Variants in RUNDC3B observed in about 807,000 individuals in gnomAD.
The protein encoded by RUNDC3B is RUN domain containing 3B, also known as RUN domain-containing protein 3B.
A neutral mutation model predicts 58.4 loss-of-function variants in RUNDC3B; 33 were observed. The ratio of observed to expected loss-of-function variants is 0.56; its 90% confidence interval spans 0.43 to 0.75. RUNDC3B has a LOEUF of 0.75. RUNDC3B is among the 30% of genes least tolerant of loss of function. The probability of loss-of-function intolerance (pLI) is 0.00; values close to 1 mark genes in which losing one functional copy is unlikely to be tolerated. For synonymous variants in RUNDC3B, 193 were observed against 195.2 expected, an observed-to-expected ratio of 0.99 and a Z score of 0.10; for missense variants, 501 against 535.7, an observed-to-expected ratio of 0.94 and a Z score of 0.64.
At chr7:87,710,521 A>C in intron 3 of RUNDC3B, 49 bp from the exon 4 acceptor site, 1 of 1,164,632 alleles carries the variant, frequency 8.6e-7, no homozygotes. Context: ...ACAGTGGCAA[A>C]ATATTTTTTT....
At chr7:87,754,517 C>T (rs892538843) in intron 6 of RUNDC3B, among the ~76,000 whole-genome samples, 7 of 152,092 alleles carry the variant, frequency 4.6e-5, no homozygotes. Context: ...AACCTAATAT[C>T]ACAATGGAAA....
At chr7:87,680,382 G>T (rs948835741) in intron 2 of RUNDC3B, among the ~76,000 whole-genome samples, 3 of 150,702 alleles carry the variant, frequency 2.0e-5, no homozygotes, top group Non-Finnish European at 4.4e-5. Flanking sequence ...ACTAAAACGC[G>T]TTGTATCAAA....
At chr7:87,646,189 G>T (rs552550237) in intron 1 of RUNDC3B, among the ~76,000 whole-genome samples, 1 of 152,166 alleles carries the variant, frequency 6.6e-6, no homozygotes, top group Non-Finnish European at 1.5e-5. Flanking sequence ...TAACCTATGA[G>T]TAATGTAGAA....
At chr7:87,741,606 T>G (rs778683755) in intron 6 of RUNDC3B, 27 bp downstream of exon 6, 11 of 1,294,966 alleles carry the variant, frequency 8.5e-6, no homozygotes, top group Non-Finnish European at 1.2e-5. Context: ...GATATGTTTT[T>G]TAAAATCTTA....
At chr7:87,827,600 G>C (rs940513255) in intron 10 of RUNDC3B, among the ~76,000 whole-genome samples, 2 of 152,014 alleles carry the variant, frequency 1.3e-5, no homozygotes, top group African/African-American at 4.8e-5. Flanking sequence ...ATGTTTTAAT[G>C]CTAAAAAAAA....
At chr7:87,731,168 GA>G (rs1038743317) in intron 4 of RUNDC3B, among the ~76,000 whole-genome samples, 4 of 149,412 alleles carry the variant, frequency 2.7e-5, no homozygotes, top group South Asian at 4.2e-4. Flanking sequence ...TCAATGCCAA[GA>G]AAAAAAAACA....
intron 4 of RUNDC3B, 30 bp downstream of exon 4, chr7:87,710,685 A>G (rs376233481): frequency 1.9e-5 from 24 of 1,258,578 alleles, no homozygotes; most frequent in Admixed American, 6.2e-5. Context: ...TTTCTAATAT[A>G]TATTTGAAAG....
At chr7:87,631,766 AT>A in intron 1 of RUNDC3B, among the ~76,000 whole-genome samples, 1 of 152,204 alleles carries the variant, frequency 6.6e-6, no homozygotes, top group East Asian at 1.9e-4. Context: ...TGGTGGAAAT[AT>A]AACTGGGTTC....
intron 7 of RUNDC3B, among the ~76,000 whole-genome samples, chr7:87,776,503 A>G (rs1300893692): frequency 6.6e-6 from 1 of 152,154 alleles, no homozygotes; most frequent in Non-Finnish European, 1.5e-5. Context: ...GTAAAACTGG[A>G]AAGAAAAGTA....
intron 6 of RUNDC3B, among the ~76,000 whole-genome samples, chr7:87,758,711 A>G (rs956050714): frequency 2.6e-5 from 4 of 152,218 alleles, no homozygotes; most frequent in Admixed American, 2.0e-4. Context: ...CAAATGGTTA[A>G]CAGGTACGTG....
At chr7:87,771,371 C>T (rs994439532) in intron 7 of RUNDC3B, among the ~76,000 whole-genome samples, 1 of 151,810 alleles carries the variant, frequency 6.6e-6, no homozygotes, top group African/African-American at 2.4e-5. Context: ...ATAATTTTAT[C>T]TATACAGATA....
chr7:87,783,307 G>C (rs182672790), intron 8 of RUNDC3B, among the ~76,000 whole-genome samples: 1 of 152,060 alleles, frequency 6.6e-6, no homozygotes, highest in East Asian at 1.9e-4. Context: ...TGCTTTATCC[G>C]ATATAAGAAT....
intron 10 of RUNDC3B, among the ~76,000 whole-genome samples, chr7:87,829,111 G>T (rs1214732147): frequency 6.6e-6 from 1 of 152,032 alleles, no homozygotes; most frequent in Admixed American, 6.6e-5. Context: ...GACCACTTCT[G>T]TGTCTTCTTT....
rs561450322 is a variant in RUNDC3B, at chr7:87,802,641, C to A, written c.957-4732C>A. Reference sequence around the variant, plus strand: ...CCCATTTACCCTGGTATGATTATTACATGCCTCTGTCAAAATATCTCATGT... The same window carrying A: ...CCCATTTACCCTGGTATGATTATTAAATGCCTCTGTCAAAATATCTCATGT... On this transcript the variant is annotated intron_variant, in intron 8 of 10. Transcript: ENST00000394654. Among the ~76,000 whole-genome samples the A allele has an allele frequency of 2.0e-5, 3 of 152,326 alleles. No homozygotes were observed. The South Asian group carries it at 6.2e-4, about 32-fold the overall frequency.
intron 4 of RUNDC3B, among the ~76,000 whole-genome samples, chr7:87,720,550 G>C (rs1830818509): frequency 1.3e-5 from 2 of 150,810 alleles, no homozygotes; most frequent in Non-Finnish European, 3.0e-5. Context: ...ATATGTGTGT[G>C]TGTGTGTGTG....
At chr7:87,733,086 G>A (rs1050446778) in intron 4 of RUNDC3B, among the ~76,000 whole-genome samples, 2 of 152,156 alleles carry the variant, frequency 1.3e-5, no homozygotes, top group African/African-American at 4.8e-5. Flanking sequence ...AAGAGCCATG[G>A]CAAGATGAGG....
chr7:87,703,885 C>CTTTTTTTTTTTT, intron 3 of RUNDC3B, among the ~76,000 whole-genome samples: 103 of 60,270 alleles, frequency 1.7e-3, no homozygotes, highest in East Asian at 3.6e-3. Context: ...TCAGTTTTTT[C>CTTTTTTTTTTTT]TTTTTTTTTT....
chr7:87,731,654 G>A lies in RUNDC3B; in HGVS notation c.459-8137G>A, dbSNP rs914823336. 2.6e-5 allele frequency among the ~76,000 whole-genome samples: 4 copies of A among 152,142 alleles called. No homozygotes were observed. In the South Asian group the frequency reaches 8.3e-4, roughly 31 times the overall value. Reference sequence around the variant, plus strand: ...CGGACAAAACAGATTTTAAGACAAAGACTATAAAAAGAGGCAAATGTCAGA... The same window carrying A: ...CGGACAAAACAGATTTTAAGACAAAAACTATAAAAAGAGGCAAATGTCAGA... On this transcript the variant is annotated intron_variant, in intron 4 of 10. Coordinates refer to ENST00000394654, the MANE Select transcript of RUNDC3B (RefSeq NM_001134405.2).
intron 10 of RUNDC3B, among the ~76,000 whole-genome samples, chr7:87,826,517 C>T (rs1240823553): frequency 6.6e-6 from 1 of 151,446 alleles, no homozygotes; most frequent in African/African-American, 2.4e-5. Flanking sequence ...AAAACTTAAT[C>T]TAAAACACTG....
Sources: gnomAD v4.1 joint callset for allele counts (sites outside exome capture counted in the v4.1 genomes callset) on GRCh38, gnomAD v4.1.1 for gene constraint, MANE v1.5 for transcripts, NCBI Gene and HGNC (gene_info 2026-07-23, HGNC 2026-07-21) for gene names.